C5orf34: variants seen among roughly 807,000 people sequenced by gnomAD.
C5orf34 encodes the protein chromosome 5 open reading frame 34.
In C5orf34, 73 loss-of-function variants were observed where a neutral mutation model predicts 78.4. That is an observed-to-expected ratio of 0.93 (90% confidence interval 0.77 to 1.13). The LOEUF (loss-of-function observed/expected upper bound fraction) is 1.13, where lower values mean the gene tolerates loss of function less well. Ranked by LOEUF, C5orf34 falls within the 50% of genes most tolerant of loss-of-function variation. The pLI, the probability that C5orf34 is intolerant of heterozygous loss-of-function variation, is 0.00. For synonymous variants in C5orf34, 251 were observed against 246.6 expected, an observed-to-expected ratio of 1.02 and a Z score of -0.17; for missense variants, 730 against 732.7, an observed-to-expected ratio of 1.00 and a Z score of 0.04.
At chr5:43,500,490 G>A (rs936076953) in intron 6 of C5orf34, among the ~76,000 whole-genome samples, 1 of 152,072 alleles carries the variant, frequency 6.6e-6, no homozygotes, top group Non-Finnish European at 1.5e-5. Flanking sequence ...CCACCTCCCA[G>A]GTTCAAGCGA....
At chr5:43,514,269 G>A (rs1302161748) in intron 1 of C5orf34, 1 of 152,082 alleles carries the variant, frequency 6.6e-6, no homozygotes, top group Non-Finnish European at 1.5e-5. Flanking sequence ...GATGACATAG[G>A]TAACTTTCCA....
rs1413896879 is a variant in C5orf34 at position 43,502,491 on chromosome 5, T to C, written c.1033A>G (p.Thr345Ala). The stretch of plus-strand genomic sequence containing the variant: ...TCTATTGAGTTCATATTTTGATGGG[T>C]AAGTCTAAGAAATAGAAATAACCAT... ...VWYKGVTYRL[T>A]HQNMNSIEIY... The change falls in exon 6 of 13, where the codon ACC (threonine) becomes GCC (alanine). Residue 345 changes from threonine (T) to alanine (A), a missense_variant. Physicochemically the swap from Thr to Ala is moderately conservative, Grantham distance 58. Transcript: ENST00000306862. 1.9e-6 allele frequency: 3 copies of C among 1,549,022 alleles called. No homozygotes were observed. Among genetic ancestry groups the C allele is most frequent in the East Asian group, 2.3e-5 (1 of 44,382 alleles).
chr5:43,513,955 G>A (rs1746379232), intron 1 of C5orf34, among the ~76,000 whole-genome samples: 2 of 152,212 alleles, frequency 1.3e-5, no homozygotes, highest in African/African-American at 4.8e-5. Flanking sequence ...TGTCTTATAT[G>A]TAACAGTATC....
chr5:43,490,700 C>G lies in C5orf34; in HGVS notation c.1610G>C (p.Arg537Thr). 6.2e-7 allele frequency: 1 copy of G among 1,607,672 alleles called. No homozygotes were observed. Among genetic ancestry groups the G allele is most frequent in the Non-Finnish European group, 8.5e-7 (1 of 1,174,766 alleles). Residue 537 changes from arginine to threonine, a missense_variant, in exon 11 of 13, where the codon AGG (arginine) becomes ACG (threonine). Physicochemically the swap from Arg to Thr is moderately conservative, Grantham distance 71. Transcript: ENST00000306862. Reference protein sequence around the residue: ...RYVTTVTSWCRRLTQTSPREM... With the variant: ...RYVTTVTSWCTRLTQTSPREM... ...TCTGGGACTAGTCTGGGTCAGTCTCCTGCACCATGATGTTACTGTTGTCAC... is the reference window on the plus strand; with the variant it reads ...TCTGGGACTAGTCTGGGTCAGTCTCGTGCACCATGATGTTACTGTTGTCAC...
intron 4 of C5orf34, among the ~76,000 whole-genome samples, chr5:43,504,759 A>G (rs1745909466): frequency 6.6e-6 from 1 of 152,210 alleles, no homozygotes; most frequent in Non-Finnish European, 1.5e-5. Flanking sequence ...TATGTGAAGG[A>G]TCATGGATTT....
At chr5:43,513,223 T>C (rs1018484281) in intron 1 of C5orf34, among the ~76,000 whole-genome samples, 21 of 152,202 alleles carry the variant, frequency 1.4e-4, no homozygotes, top group Admixed American at 5.9e-4. Flanking sequence ...CACACACTTT[T>C]AATTATTTTC....
chr5:43,505,646 G>A lies in C5orf34; in HGVS notation c.932+102C>T, dbSNP rs1336208488. 6.2e-6 allele frequency: 8 copies of A among 1,289,974 alleles called. No homozygotes were observed. The Admixed American group carries it at 1.6e-4, about 25-fold the overall frequency. The allele number at this position is 1,289,974 out of a possible 1,614,324, so 79.9% of individuals were successfully genotyped here. A position where few individuals can be genotyped will look rare whatever the true frequency, so the allele number is the denominator to read the frequency against. On this transcript the variant is annotated intron_variant, in intron 4 of 12. Transcript: ENST00000306862. Reference sequence around the variant, plus strand: ...CAGTTAAAAGCAAAATTTTGGATGAGATAAACTTTCCTTGTGAATGGTATC... The same window carrying A: ...CAGTTAAAAGCAAAATTTTGGATGAAATAAACTTTCCTTGTGAATGGTATC...
Position 43,492,852 on chromosome 5 carries a change from A to T in C5orf34, c.1353T>A (p.Val451=), listed in dbSNP as rs781373365. 1.2e-6 allele frequency: 2 copies of T among 1,610,766 alleles called. No homozygotes were observed. The highest frequency in any genetic ancestry group is 1.7e-6 in the Non-Finnish European group (2 of 1,177,694). Residue 451 remains valine (V), a synonymous_variant, in exon 9 of 13, where the codon GTT becomes GTA. Coordinates refer to ENST00000306862, the MANE Select transcript of C5orf34 (RefSeq NM_198566.4). ...CACTGGGTATGAGTGACTCTTTCAA[A>T]ACCAAAGGCAGTATATTGCTATCAT... ...GINDSNILPL[V]LKESLIPSVG...
At chr5:43,496,981 C>T (rs1401962006) in intron 6 of C5orf34, among the ~76,000 whole-genome samples, 11 of 152,020 alleles carry the variant, frequency 7.2e-5, no homozygotes, top group Non-Finnish European at 1.6e-4. Context: ...TATCATGAGC[C>T]ACCCCTTTCC....
At position 43,492,244 on chromosome 5, in the gene C5orf34, A is replaced by C; in HGVS notation, c.1551T>G (p.Ile517Met). ...CATATGGTTCAGGGTGTTCAATCTG[A>C]ATTAACTGCTCTTGTCCATCAGGAA... ...LTFPDGQEQL[I>M]QIEHPEPYER... Residue 517 changes from isoleucine (I) to methionine (M), a missense_variant, in exon 10 of 13, where the codon ATT (isoleucine) becomes ATG (methionine). Physicochemically the swap from Ile to Met is conservative, Grantham distance 10. Coordinates refer to ENST00000306862, the MANE Select transcript of C5orf34 (RefSeq NM_198566.4). The C allele has an allele frequency of 6.2e-7, 1 of 1,612,354 alleles. No individual in the cohort carries two copies. Among genetic ancestry groups the C allele is most frequent in the Non-Finnish European group, 8.5e-7 (1 of 1,179,202 alleles).
intron 6 of C5orf34, among the ~76,000 whole-genome samples, chr5:43,499,170 C>G (rs1745660320): frequency 6.6e-6 from 1 of 152,130 alleles, no homozygotes; most frequent in Non-Finnish European, 1.5e-5. Context: ...TTTGAATAGT[C>G]AGGAAAAGCG....
chr5:43,495,725 G>A, intron 6 of C5orf34: 1 of 1,582,660 alleles, frequency 6.3e-7, no homozygotes, highest in Non-Finnish European at 8.7e-7. Context: ...CAGGCGCAAG[G>A]GCTTGTCAGT....
At chr5:43,504,775 T>G (rs541820274) in intron 4 of C5orf34, among the ~76,000 whole-genome samples, 1 of 152,252 alleles carries the variant, frequency 6.6e-6, no homozygotes, top group African/African-American at 2.4e-5. Flanking sequence ...GATTTCAACC[T>G]AAACATCATG....
At chr5:43,508,835 T>C (rs1746100601) in intron 2 of C5orf34, among the ~76,000 whole-genome samples, 169 bp from the exon 3 acceptor site, 1 of 152,260 alleles carries the variant, frequency 6.6e-6, no homozygotes, top group African/African-American at 2.4e-5. Context: ...GGTTCACTCC[T>C]GTAATCCTGG....
intron 1 of C5orf34, among the ~76,000 whole-genome samples, chr5:43,513,269 A>T (rs768745172): frequency 3.9e-5 from 6 of 152,192 alleles, no homozygotes; most frequent in Non-Finnish European, 8.8e-5. Flanking sequence ...GACCTCTCAC[A>T]GAGCTTTCAG....
chr5:43,492,004 C>CAA (rs34983529), intron 10 of C5orf34, among the ~76,000 whole-genome samples: 2,281 of 85,344 alleles, frequency 0.027, 67 homozygotes, highest in African/African-American at 0.076. Context: ...AACTCTGTCT[C>CAA]AAAAAAAAAA....
intron 10 of C5orf34, 48 bp from the exon 11 acceptor site, chr5:43,490,777 C>A (rs184125255): frequency 3.3e-6 from 3 of 901,876 alleles, no homozygotes; most frequent in South Asian, 1.8e-5. Flanking sequence ...AACTTGAATA[C>A]ATTATAAAAT....
At position 43,502,591 on chromosome 5, in the gene C5orf34, G is replaced by A. The variant is rs1579870848; in HGVS notation, c.1029-96C>T. The A allele has an allele frequency of 2.5e-5, 18 of 730,490 alleles. No homozygotes were observed. The East Asian group carries it at 4.3e-4, about 17-fold the overall frequency. The allele number at this position is 730,490 out of a possible 1,614,324, so 45.3% of individuals were successfully genotyped here. A position where few individuals can be genotyped will look rare whatever the true frequency, so the allele number is the denominator to read the frequency against. On this transcript the variant is annotated intron_variant, in intron 5 of 12. Coordinates refer to ENST00000306862, the MANE Select transcript of C5orf34 (RefSeq NM_198566.4). ...AAAAAACAGTAACAACAAAATCTAA[G>A]CAAAACAACACAGTCTTTTTGCCTG...
chr5:43,496,323 C>G, intron 6 of C5orf34: 1 of 1,586,012 alleles, frequency 6.3e-7, no homozygotes, highest in Non-Finnish European at 8.6e-7. Flanking sequence ...CAGCAGCCTC[C>G]TTCTCAAATT....
Sources: gnomAD v4.1 joint callset for allele counts (sites outside exome capture counted in the v4.1 genomes callset) on GRCh38, gnomAD v4.1.1 for gene constraint, MANE v1.5 for transcripts, NCBI Gene and HGNC (gene_info 2026-07-23, HGNC 2026-07-21) for gene names.